Variants in PGAP1 observed in about 807,000 individuals in gnomAD.
The protein encoded by PGAP1 is GPI inositol-deacylase.
A neutral mutation model predicts 127.0 loss-of-function variants in PGAP1; 76 were observed. The ratio of observed to expected loss-of-function variants is 0.60; its 90% CI spans 0.50 to 0.72. The LOEUF is 0.72. Among genes scored for constraint, PGAP1 ranks in the 30% least tolerant of loss-of-function variants. The probability of loss-of-function intolerance (pLI) is 0.00; values close to 1 mark genes in which losing one functional copy is unlikely to be tolerated. For missense variants in PGAP1, 982 were observed against 1,071.3 expected (o/e 0.92, Z 1.16); for synonymous variants, 362 against 366.5 (o/e 0.99, Z 0.14).
chr2:196,862,867 G>A (rs541331267), intron 20 of PGAP1, among the ~76,000 whole-genome samples: 20 of 152,224 alleles, frequency 1.3e-4, no homozygotes, highest in African/African-American at 4.8e-4. Context: ...GTGGTGAGCT[G>A]AGATCAAGCC....
At chr2:196,897,526 C>T (rs1012337996) in intron 6 of PGAP1, among the ~76,000 whole-genome samples, 6 of 152,138 alleles carry the variant, frequency 3.9e-5, no homozygotes, top group Non-Finnish European at 7.3e-5. Flanking sequence ...TACTACTGCT[C>T]GCACAGCCAG....
chr2:196,865,395 A>T (rs1184902291), intron 19 of PGAP1, among the ~76,000 whole-genome samples: 1 of 152,188 alleles, frequency 6.6e-6, no homozygotes, highest in African/African-American at 2.4e-5. Context: ...TATATGCATT[A>T]TCTCATGTAC....
intron 19 of PGAP1, among the ~76,000 whole-genome samples, chr2:196,869,852 T>C (rs964139193): frequency 5.3e-5 from 8 of 152,234 alleles, no homozygotes; most frequent in African/African-American, 1.9e-4. Context: ...AATTTAATTT[T>C]GCCTTGTGAG....
At chr2:196,924,414 C>T (rs777209464) in intron 1 of PGAP1, among the ~76,000 whole-genome samples, 1 of 152,138 alleles carries the variant, frequency 6.6e-6, no homozygotes, top group Non-Finnish European at 1.5e-5. Flanking sequence ...CCATTTGGTT[C>T]TCAACAGAAT....
In PGAP1 at chr2:196,872,453, G is replaced by T; in HGVS notation, c.1716C>A (p.Asp572Glu). ...ACATACAACTTACCTCGTACCGACA[G>T]TCTGATGACGTGTACATTTTAAATA... ...VALFKMYTSSDCRYEVTVKTS... is the reference protein window; with the variant it reads ...VALFKMYTSSECRYEVTVKTS... The change falls in exon 18 of 27, where the codon GAC becomes GAA. Residue 572 changes from aspartate to glutamate, a missense_variant. Asp to Glu is a conservative substitution (Grantham distance 45). Coordinates refer to ENST00000354764, the MANE Select transcript of PGAP1 (RefSeq NM_024989.4). The T allele has an allele frequency of 6.2e-7, 1 of 1,602,800 alleles. No individual in the cohort carries two copies. Among genetic ancestry groups the T allele is most frequent in the Non-Finnish European group, 8.5e-7 (1 of 1,169,880 alleles).
chr2:196,897,154 G>A lies in PGAP1; in HGVS notation c.904C>T (p.Leu302Phe). The change falls in exon 7 of 27, where the codon CTT becomes TTT. Residue 302 changes from leucine (L) to phenylalanine (F), a missense_variant. By Grantham distance (22) the Leu-to-Phe change is conservative (BLOSUM62 0). Transcript: ENST00000354764. ...QLTTVRAFFD[L>F]IDADTKQITQ... The stretch of plus-strand genomic sequence containing the variant: ...ACTTGTTTAGTATCAGCATCAATAA[G>A]ATCAAAGAATGCTCGAACTGTAGTC... 1 of 1,581,330 alleles carries A rather than the reference G, an allele frequency of 6.3e-7. No homozygotes were observed.
chr2:196,922,932 T>C lies in PGAP1; in HGVS notation c.148-2782A>G, dbSNP rs554188396. ...CTTGAACTCCTGGGCTCAAGTGATC[T>C]GCCCGCCTTGGCCTCCCAAAGTGCT... On this transcript the variant is annotated intron_variant, in intron 1 of 26. Coordinates refer to ENST00000354764, the MANE Select transcript of PGAP1 (RefSeq NM_024989.4). Among the ~76,000 whole-genome samples, 194 of 152,052 alleles carry C rather than the reference T, an allele frequency of 1.3e-3. 1 individual carries two copies. The highest frequency in any genetic ancestry group is 4.5e-3 in the African/African-American group (188 of 41,498).
In PGAP1 at chr2:196,843,889, T is replaced by A. The variant is rs991828015; in HGVS notation, c.2524A>T (p.Arg842Trp). 6.0e-6 allele frequency: 9 copies of A among 1,510,586 alleles called. No homozygotes were observed. The highest frequency in any genetic ancestry group is 1.4e-5 in the African/African-American group (1 of 72,810). The allele number at this position is 1,510,586 out of a possible 1,614,324, so 93.6% of individuals were successfully genotyped here. A position where few individuals can be genotyped will look rare whatever the true frequency, so the allele number is the denominator to read the frequency against. Residue 842 changes from arginine (R) to tryptophan (W), a missense_variant and splice_region_variant, in exon 25 of 27, where the codon AGG becomes TGG. Transcript: ENST00000354764. Reference sequence around the variant, plus strand: ...AATAATTATATCAATAAAACGCACCTAAGATTCTTTAGCCAATAAATTAGA... The same window carrying A: ...AATAATTATATCAATAAAACGCACCAAAGATTCTTTAGCCAATAAATTAGA... Reference protein sequence around the residue: ...PSLIYWLKNLRYYFKLNPDPC... With the variant: ...PSLIYWLKNLWYYFKLNPDPC...
In PGAP1 at chr2:196,882,334, C is replaced by A. The variant is rs116029326; in HGVS notation, c.1273-2181G>T. On this transcript the variant is annotated intron_variant, in intron 12 of 26. Coordinates refer to ENST00000354764, the MANE Select transcript of PGAP1 (RefSeq NM_024989.4). ...TTAGGATTGGTTTGGCTTTACTGAGCTCTTTTTTGGTTCCATATGAATTTT... is the reference window on the plus strand; with the variant it reads ...TTAGGATTGGTTTGGCTTTACTGAGATCTTTTTTGGTTCCATATGAATTTT... Among the ~76,000 whole-genome samples the A allele has an allele frequency of 6.7e-3, 1,015 of 152,172 alleles. 6 individuals are homozygous for A. The highest frequency in any genetic ancestry group is 0.012 in the Non-Finnish European group (791 of 67,988).
At chr2:196,883,135 T>G (rs900364237) in intron 12 of PGAP1, among the ~76,000 whole-genome samples, 6 of 152,262 alleles carry the variant, frequency 3.9e-5, no homozygotes, top group African/African-American at 1.4e-4. Flanking sequence ...TCTTTAGTTC[T>G]ATTTATGTGA....
intron 19 of PGAP1, 100 bp from the exon 20 acceptor site, chr2:196,865,180 A>G: frequency 1.6e-6 from 1 of 619,786 alleles, no homozygotes; most frequent in Non-Finnish European, 2.8e-6. Flanking sequence ...TATACCTGAC[A>G]TGGCTACAAA....
intron 20 of PGAP1, among the ~76,000 whole-genome samples, chr2:196,858,892 TAGAA>T (rs1309860409): frequency 1.3e-5 from 2 of 151,770 alleles, no homozygotes; most frequent in Admixed American, 6.6e-5. Context: ...ACCACAGAAA[TAGAA>T]AGGATCATTA....
intron 20 of PGAP1, among the ~76,000 whole-genome samples, chr2:196,848,670 T>C (rs1161904677): frequency 6.6e-6 from 1 of 152,246 alleles, no homozygotes; most frequent in Non-Finnish European, 1.5e-5. Flanking sequence ...TATTCCATTG[T>C]ATGATTATAC....
chr2:196,911,574 T>C (rs10201827), intron 4 of PGAP1, among the ~76,000 whole-genome samples: 917 of 78,480 alleles, frequency 0.012, 19 homozygotes, highest in African/African-American at 0.047. Context: ...ACCTGCACAA[T>C]GTGCACATGT....
intron 14 of PGAP1, among the ~76,000 whole-genome samples, chr2:196,875,103 G>A (rs1701523961): frequency 6.6e-6 from 1 of 152,168 alleles, no homozygotes; most frequent in Non-Finnish European, 1.5e-5. Flanking sequence ...AGGTTTCAAA[G>A]TTGTGAAAGA....
At chr2:196,850,215 T>G (rs944909080) in intron 20 of PGAP1, among the ~76,000 whole-genome samples, 13 of 152,190 alleles carry the variant, frequency 8.5e-5, no homozygotes, top group African/African-American at 3.1e-4. Context: ...GCTCTGTTAC[T>G]AGTTTAGCAT....
rs1701453481 is a variant in PGAP1 at position 196,872,959 on chromosome 2, C to G, written c.1619+1G>C. On this transcript the variant is annotated splice_donor_variant, in intron 17 of 26. Transcript: ENST00000354764. LOFTEE classifies it high-confidence loss of function. ...TAAAGTAAATTCTTTCAAATACTTA[C>G]TGTGCAATGGTTAGTGAATCTTCAT... 1.0e-6 allele frequency: 1 copy of G among 962,272 alleles called. No homozygotes were observed. 59.6% of individuals were successfully genotyped at this position (962,272 alleles called of 1,614,324 possible).
chr2:196,875,356 T>C (rs1414631458), intron 14 of PGAP1, among the ~76,000 whole-genome samples: 1 of 152,218 alleles, frequency 6.6e-6, no homozygotes, highest in East Asian at 1.9e-4. Flanking sequence ...AGGAACTCTT[T>C]TGTAACTTTT....
rs773480653 is a variant in PGAP1 at position 196,893,194 on chromosome 2, T to G, written c.979A>C (p.Arg327=). The G allele has an allele frequency of 6.2e-7, 1 of 1,601,808 alleles. No homozygotes were observed. Among genetic ancestry groups the G allele is most frequent in the South Asian group, 1.1e-5 (1 of 89,534 alleles). ...TCCTCAAAATGTTTTGATGGGTGTC[T>G]TATAAAGTGGTGATACAAAACTGAC... ...KLSVLYHHFI[R]HPSKHFEENP... Residue 327 remains arginine (R), a synonymous_variant, in exon 8 of 27, where the codon AGA becomes CGA. Coordinates refer to ENST00000354764, the MANE Select transcript of PGAP1 (RefSeq NM_024989.4).
Sources: allele counts gnomAD v4.1 joint callset (sites outside exome capture counted in the v4.1 genomes callset), GRCh38; gene constraint gnomAD v4.1.1; transcripts MANE v1.5; gene names NCBI Gene and HGNC (gene_info 2026-07-23, HGNC 2026-07-21).